Variants in DST observed in about 807,000 individuals in gnomAD.
DST encodes the protein bullous pemphigoid antigen.
DST carries 253 observed loss-of-function variants against 875.2 expected under a neutral mutation model. The observed-to-expected ratio is 0.29, with a 90% CI of 0.26 to 0.32. DST has a LOEUF of 0.32. DST is among the 10% of genes least tolerant of loss of function. The probability of loss-of-function intolerance (pLI) is 1.00; values close to 1 mark genes in which losing one functional copy is unlikely to be tolerated. For synonymous variants in DST, 3,124 were observed against 3,197.1 expected (o/e 0.98, Z 0.77); for missense variants, 8,287 against 9,111.6 (o/e 0.91, Z 3.68).
At position 56,717,591 on chromosome 6, in the gene DST, G is replaced by A. The variant is rs114719434; in HGVS notation, c.688-13222C>T. 6.4e-3 allele frequency among the ~76,000 whole-genome samples: 981 copies of A among 152,282 alleles called. 11 individuals are homozygous for A. Among genetic ancestry groups the A allele is most frequent in the African/African-American group, 0.023 (951 of 41,550 alleles). The stretch of plus-strand genomic sequence containing the variant: ...TGCAGCTTCCCCAATTACTCCTGCA[G>A]ATAGCATCACTATTGCAGAAGCTAA... On this transcript the variant is annotated intron_variant, in intron 5 of 103. Coordinates refer to ENST00000680361, the MANE Select transcript of DST (RefSeq NM_001374736.1).
At chr6:56,943,869 C>T (rs533221562) in intron 2 of DST, among the ~76,000 whole-genome samples, 5 of 152,066 alleles carry the variant, frequency 3.3e-5, no homozygotes, top group Non-Finnish European at 7.4e-5. Context: ...GTAATCCCAG[C>T]ACTTTGGGAG....
Position 56,598,495 on chromosome 6 carries a change from A to C in DST, c.11909T>G (p.Ile3970Ser). 1 of 1,571,226 alleles carries C rather than the reference A, an allele frequency of 6.4e-7. No individual in the cohort carries two copies. The highest frequency in any genetic ancestry group is 2.3e-5 in the East Asian group (1 of 44,048). Residue 3970 changes from isoleucine to serine, a missense_variant, in exon 46 of 104, where the codon ATC (isoleucine) becomes AGC (serine). Around this residue, in one of 10 missense-constraint regions of DST, gnomAD observed 1,513 missense variants for 1,677.8 expected, o/e 0.90. Coordinates refer to ENST00000680361, the MANE Select transcript of DST (RefSeq NM_001374736.1). The part of the protein sequence containing the change: ...KELDKVVTTA[I>S]KEETEKVAAV... ...AAGGACCTTTTCAGTTTCTTCCTTG[A>C]TTGCTGTTGTCACAACTTTATCCAG...
At chr6:56,951,132 G>C (rs1018545907) in intron 2 of DST, among the ~76,000 whole-genome samples, 1 of 152,138 alleles carries the variant, frequency 6.6e-6, no homozygotes, top group African/African-American at 2.4e-5. Context: ...CTTCCTGGGC[G>C]TGTGGGTACC....
At chr6:56,620,052 A>G (rs771206867) in intron 36 of DST, 2 of 1,613,834 alleles carry the variant, frequency 1.2e-6, no homozygotes, top group Non-Finnish European at 1.7e-6. Flanking sequence ...CTACATGTAT[A>G]CTGAATTTCA....
chr6:56,458,885 A>C lies in DST; in HGVS notation c.*120T>G. On this transcript the variant is annotated 3_prime_UTR_variant, in exon 104 of 104. Coordinates refer to ENST00000680361, the MANE Select transcript of DST (RefSeq NM_001374736.1). The stretch of plus-strand genomic sequence containing the variant: ...AAAAGACAAATACACAAATAAGGCC[A>C]TCTGCAGAATTTTAAACTCGCCTCT... 3 of 1,058,824 alleles carry C rather than the reference A, an allele frequency of 2.8e-6. No individual in the cohort carries two copies. Among genetic ancestry groups the C allele is most frequent in the Non-Finnish European group, 4.0e-6 (3 of 755,152 alleles). 65.6% of individuals were successfully genotyped at this position (1,058,824 alleles called of 1,614,324 possible). A position where few individuals can be genotyped will look rare whatever the true frequency, so the allele number is the denominator to read the frequency against.
chr6:56,798,596 T>C (rs138735285), intron 4 of DST, among the ~76,000 whole-genome samples: 402 of 152,322 alleles, frequency 2.6e-3, no homozygotes, highest in Non-Finnish European at 4.8e-3. Context: ...TCATTCCTAA[T>C]AGCATAACAT....
rs549092607 is a variant in DST, at chr6:56,573,085, C to T, written c.13237-21G>A. ...AACATCTAAAATAAACCAAATATTG[C>T]ATATCTTTTATTATGATGCTTATAA... On this transcript the variant is annotated intron_variant, in intron 51 of 103. Coordinates refer to ENST00000680361, the MANE Select transcript of DST (RefSeq NM_001374736.1). The T allele has an allele frequency of 4.7e-5, 70 of 1,488,244 alleles. No individual in the cohort carries two copies. In the South Asian group the frequency reaches 8.9e-4, roughly 19 times the overall value. 92.2% of individuals were successfully genotyped at this position (1,488,244 alleles called of 1,614,324 possible).
Position 56,527,537 on chromosome 6 carries a change from C to A in DST, c.17878G>T (p.Val5960Phe). The A allele has an allele frequency of 6.2e-7, 1 of 1,613,744 alleles. No individual in the cohort carries two copies. The highest frequency in any genetic ancestry group is 8.5e-7 in the Non-Finnish European group (1 of 1,179,822). Reference sequence around the variant, plus strand: ...TGACTTGCTTCTTCTCCTTTCAGAACCTGAGTTTCATATGAAAGTAATTCC... The same window carrying A: ...TGACTTGCTTCTTCTCCTTTCAGAAACTGAGTTTCATATGAAAGTAATTCC... ...EVELLSYETQ[V>F]LKGEEASQAQ... The change falls in exon 68 of 104, where the codon GTT becomes TTT. Residue 5960 changes from valine (V) to phenylalanine (F), a missense_variant. Physicochemically the swap from Val to Phe is conservative, Grantham distance 50. This residue lies in a region of DST where 777 missense variants were observed against 764.8 expected (regional missense o/e 1.02). Coordinates refer to ENST00000680361, the MANE Select transcript of DST (RefSeq NM_001374736.1).
chr6:56,886,254 G>A (rs1201765658), intron 3 of DST, among the ~76,000 whole-genome samples: 1 of 152,082 alleles, frequency 6.6e-6, no homozygotes, highest in Non-Finnish European at 1.5e-5. Context: ...ATAAACATAG[G>A]ATAAACACAG....
At chr6:56,570,400 T>A (rs1026898133) in intron 53 of DST, among the ~76,000 whole-genome samples, 4 of 152,176 alleles carry the variant, frequency 2.6e-5, no homozygotes, top group Admixed American at 1.3e-4. Flanking sequence ...GGCAGTCCCA[T>A]CTGGGGGTGA....
At chr6:56,841,329 T>A (rs2099799712) in intron 4 of DST, among the ~76,000 whole-genome samples, 1 of 152,206 alleles carries the variant, frequency 6.6e-6, no homozygotes, top group African/African-American at 2.4e-5. Flanking sequence ...AAAGCCCAAG[T>A]ACAAATTGAT....
At chr6:56,698,903 T>C (rs1003166974) in intron 9 of DST, among the ~76,000 whole-genome samples, 4 of 152,202 alleles carry the variant, frequency 2.6e-5, no homozygotes, top group African/African-American at 9.6e-5. Context: ...GATGATCCCA[T>C]CACCCAGATA....
intron 87 of DST, among the ~76,000 whole-genome samples, chr6:56,486,159 C>T (rs1027165738): frequency 2.6e-5 from 4 of 151,760 alleles, no homozygotes; most frequent in Admixed American, 6.6e-5. Flanking sequence ...GTCAGGAGAT[C>T]GAGACCATCC....
At position 56,603,415 on chromosome 6, in the gene DST, A is replaced by G; in HGVS notation, c.10947T>C (p.Phe3649=). The change falls in exon 42 of 104, where the codon TTT becomes TTC. Residue 3649 remains phenylalanine (F), a synonymous_variant. Coordinates refer to ENST00000680361, the MANE Select transcript of DST (RefSeq NM_001374736.1). ...CAGCAATTGGAGCTAATCCCAATTC[A>G]AATGTCTGCAAAGAAATATATCCCG... ...LKNQLRQLET[F]ELGLAPIAVI... The G allele has an allele frequency of 6.2e-7, 1 of 1,609,702 alleles. No homozygotes were observed. The highest frequency in any genetic ancestry group is 8.5e-7 in the Non-Finnish European group (1 of 1,178,758).
At chr6:56,666,125 T>C (rs1177784577) in intron 10 of DST, among the ~76,000 whole-genome samples, 2 of 152,206 alleles carry the variant, frequency 1.3e-5, no homozygotes, top group Non-Finnish European at 2.9e-5. Context: ...AATTATATTT[T>C]CTACGGAAAA....
chr6:56,543,863 G>C (rs2097178897), intron 61 of DST, among the ~76,000 whole-genome samples: 1 of 152,122 alleles, frequency 6.6e-6, no homozygotes, highest in Admixed American at 6.5e-5. Context: ...TCTAAGAGTT[G>C]AATCTTTTTT....
chr6:56,780,305 T>A (rs1299121488), intron 4 of DST, among the ~76,000 whole-genome samples: 2 of 152,048 alleles, frequency 1.3e-5, no homozygotes, highest in African/African-American at 2.4e-5. Context: ...CGCCACACTG[T>A]CTTCCACAAC....
At chr6:56,862,037 G>A (rs1771471117) in intron 3 of DST, 2 of 152,302 alleles carry the variant, frequency 1.3e-5, no homozygotes, top group African/African-American at 4.8e-5. Flanking sequence ...CTTAGGAGGG[G>A]GCCCCTGATG....
intron 3 of DST, among the ~76,000 whole-genome samples, chr6:56,894,804 G>C (rs1219193235): frequency 1.6e-4 from 15 of 94,320 alleles, no homozygotes; most frequent in Admixed American, 1.3e-3. Context: ...CCGGGCGGGG[G>C]GCTGACCCCC....
Sources: allele counts gnomAD v4.1 joint callset (sites outside exome capture counted in the v4.1 genomes callset), GRCh38; gene constraint gnomAD v4.1.1; regional missense constraint gnomAD v4.1.1; transcripts MANE v1.5; gene names NCBI Gene and HGNC (gene_info 2026-07-23, HGNC 2026-07-21).